DLG2: variants seen among roughly 807,000 people sequenced by gnomAD.
DLG2 encodes the protein discs large MAGUK scaffold protein 2.
A neutral mutation model predicts 132.5 loss-of-function variants in DLG2; 45 were observed. The observed-to-expected ratio is 0.34, with a 90% CI of 0.27 to 0.44. The LOEUF is 0.44. DLG2 is among the 20% of genes least tolerant of loss of function. The pLI is 1.00. For missense variants in DLG2, 1,045 were observed against 1,196.9 expected, an observed-to-expected ratio of 0.87 and a Z score of 1.87; for synonymous variants, 424 against 419.6, an observed-to-expected ratio of 1.01 and a Z score of -0.13.
At chr11:83,895,341 G>A (rs1053344397) in intron 15 of DLG2, among the ~76,000 whole-genome samples, 2 of 151,984 alleles carry the variant, frequency 1.3e-5, no homozygotes, top group African/African-American at 4.8e-5. Context: ...TGTATTTTTA[G>A]TAGAGAGTGG....
chr11:85,160,369 G>A (rs113220659), intron 4 of DLG2, among the ~76,000 whole-genome samples: 10 of 152,230 alleles, frequency 6.6e-5, no homozygotes, highest in Non-Finnish European at 8.8e-5. Flanking sequence ...TGGAGCCTTC[G>A]GCAGGCCCCC....
rs187613015 is a variant in DLG2, at chr11:83,992,513, C to T, written c.920-11871G>A. Reference sequence around the variant, plus strand: ...ATCCCTGCAGAGGGAAATATATACTCAAAGACCCAGCATTGAGAGATAACA... The same window carrying T: ...ATCCCTGCAGAGGGAAATATATACTTAAAGACCCAGCATTGAGAGATAACA... On this transcript the variant is annotated intron_variant, in intron 11 of 27. Transcript: ENST00000376104. Among the ~76,000 whole-genome samples the T allele has an allele frequency of 2.6e-4, 39 of 152,152 alleles. 2 individuals carry two copies. The East Asian group carries it at 7.0e-3, about 27-fold the overall frequency.
intron 4 of DLG2, among the ~76,000 whole-genome samples, chr11:85,208,808 C>T (rs1161401324): frequency 1.3e-5 from 2 of 152,102 alleles, no homozygotes; most frequent in Admixed American, 1.3e-4. Context: ...AGCACACTCC[C>T]TCCTCAATGA....
intron 7 of DLG2, among the ~76,000 whole-genome samples, chr11:84,456,732 G>C (rs902135589): frequency 6.6e-6 from 1 of 151,152 alleles, no homozygotes; most frequent in African/African-American, 2.4e-5. Flanking sequence ...GCTTCTAACA[G>C]CGTATTTCAC....
intron 3 of DLG2, among the ~76,000 whole-genome samples, chr11:85,393,331 T>C (rs1461187795): frequency 3.3e-5 from 5 of 152,114 alleles, no homozygotes; most frequent in Non-Finnish European, 7.4e-5. Context: ...TAATAGTTGT[T>C]AGCATGGATG....
intron 6 of DLG2, among the ~76,000 whole-genome samples, chr11:84,562,747 T>C (rs1235743295): frequency 6.6e-6 from 1 of 151,712 alleles, no homozygotes; most frequent in East Asian, 1.9e-4. Flanking sequence ...CTTTCTTTCT[T>C]TCTTTTTTTT....
chr11:83,647,271 G>C (rs552611736), intron 18 of DLG2, among the ~76,000 whole-genome samples: 3 of 151,814 alleles, frequency 2.0e-5, no homozygotes, highest in South Asian at 2.1e-4. Flanking sequence ...GCTTAGACAA[G>C]GGTGGGGGCG....
intron 19 of DLG2, among the ~76,000 whole-genome samples, chr11:83,619,679 G>A (rs1446897202): frequency 6.6e-6 from 1 of 152,082 alleles, no homozygotes; most frequent in Non-Finnish European, 1.5e-5. Flanking sequence ...GAAGTATCAT[G>A]GAGGCCCCCA....
At chr11:84,574,061 GACAGA>G (rs1374631932) in intron 6 of DLG2, among the ~76,000 whole-genome samples, 1 of 152,108 alleles carries the variant, frequency 6.6e-6, no homozygotes, top group Non-Finnish European at 1.5e-5. Context: ...AATCAGTAGT[GACAGA>G]ACTGAGACTC....
chr11:84,849,770 T>G lies in DLG2; in HGVS notation c.357+261891A>C, dbSNP rs564782154. On this transcript the variant is annotated intron_variant, in intron 6 of 27. Coordinates refer to ENST00000376104, the MANE Select transcript of DLG2 (RefSeq NM_001142699.3). ...CACTGTTGCAAGTATTTGTGTACTT[T>G]GGTGCTGTTTCCATCTTAGAAAGCT... Among the ~76,000 whole-genome samples the G allele has an allele frequency of 2.6e-5, 4 of 152,274 alleles. No individual in the cohort carries two copies. In the East Asian group the frequency reaches 7.7e-4, roughly 29 times the overall value.
At chr11:85,555,699 C>A (rs2076906406) in intron 3 of DLG2, among the ~76,000 whole-genome samples, 1 of 151,898 alleles carries the variant, frequency 6.6e-6, no homozygotes. Flanking sequence ...CCCAGAGAGA[C>A]TTTTCATCTG....
At chr11:83,869,094 T>C (rs2062939084) in intron 16 of DLG2, among the ~76,000 whole-genome samples, 1 of 152,188 alleles carries the variant, frequency 6.6e-6, no homozygotes, top group African/African-American at 2.4e-5. Context: ...GATCACTTCG[T>C]ATATGAGATA....
At chr11:84,134,261 C>G (rs548487800) in intron 9 of DLG2, among the ~76,000 whole-genome samples, 3 of 151,050 alleles carry the variant, frequency 2.0e-5, no homozygotes, top group Non-Finnish European at 4.5e-5. Context: ...TAGAAACAGT[C>G]TTCCTGAGGA....
intron 6 of DLG2, among the ~76,000 whole-genome samples, chr11:84,752,116 C>T (rs960391259): frequency 3.3e-5 from 5 of 152,164 alleles, no homozygotes; most frequent in African/African-American, 1.2e-4. Flanking sequence ...GTGGAGAAAA[C>T]ATGGGGTTTA....
At chr11:84,341,051 C>T (rs2098512092) in intron 7 of DLG2, among the ~76,000 whole-genome samples, 1 of 152,084 alleles carries the variant, frequency 6.6e-6, no homozygotes, top group African/African-American at 2.4e-5. Flanking sequence ...AAGCTAGGTC[C>T]CCAACCTCAA....
intron 6 of DLG2, among the ~76,000 whole-genome samples, chr11:84,630,264 A>G (rs1325865897): frequency 6.6e-6 from 1 of 152,158 alleles, no homozygotes. Context: ...TGTCTGAGTA[A>G]ATAACTCAGA....
chr11:85,480,067 C>T (rs1361982646), intron 3 of DLG2, among the ~76,000 whole-genome samples: 1 of 152,092 alleles, frequency 6.6e-6, no homozygotes, highest in African/African-American at 2.4e-5. Flanking sequence ...ACAATACAGC[C>T]CATAAGACTT....
At chr11:85,068,719 A>G (rs1391096887) in intron 6 of DLG2, among the ~76,000 whole-genome samples, 1 of 152,114 alleles carries the variant, frequency 6.6e-6, no homozygotes, top group African/African-American at 2.4e-5. Flanking sequence ...GAAAATGGCC[A>G]TACAGCCCAA....
chr11:83,545,078 C>A (rs113889949), intron 19 of DLG2, among the ~76,000 whole-genome samples: 1 of 152,102 alleles, frequency 6.6e-6, no homozygotes, highest in African/African-American at 2.4e-5. Flanking sequence ...TGGATGTAAA[C>A]TATGGGGAGT....
Sources: allele counts gnomAD v4.1 joint callset (sites outside exome capture counted in the v4.1 genomes callset), GRCh38; gene constraint gnomAD v4.1.1; transcripts MANE v1.5; gene names NCBI Gene and HGNC (gene_info 2026-07-23, HGNC 2026-07-21).